METTL15: variants seen among roughly 807,000 people sequenced by gnomAD.
The protein encoded by METTL15 is methyltransferase 15, mitochondrial 12S rRNA N4-cytidine.
In METTL15, 34 loss-of-function variants were observed where a neutral mutation model predicts 38.3. The ratio of observed to expected loss-of-function variants is 0.89; its 90% confidence interval spans 0.68 to 1.18. METTL15 has a LOEUF of 1.18. Ranked by LOEUF, METTL15 falls within the 50% of genes most tolerant of loss-of-function variation. The pLI, the probability that METTL15 is intolerant of heterozygous loss-of-function variation, is 0.00. For synonymous variants in METTL15, 162 were observed against 170.9 expected (o/e 0.95, Z 0.41); for missense variants, 438 against 498.4 (o/e 0.88, Z 1.15).
intron 4 of METTL15, among the ~76,000 whole-genome samples, chr11:28,284,632 G>A (rs568893331): frequency 6.6e-6 from 1 of 152,228 alleles, no homozygotes; most frequent in East Asian, 1.9e-4. Context: ...ACATGAAAAA[G>A]ACTAAAGGGA....
chr11:28,523,025 G>A (rs1004394316), intron 6 of METTL15, among the ~76,000 whole-genome samples: 6 of 152,082 alleles, frequency 3.9e-5, no homozygotes, highest in African/African-American at 9.7e-5. Flanking sequence ...CAATGGATGC[G>A]GTTCTTGCCT....
intron 6 of METTL15, among the ~76,000 whole-genome samples, chr11:28,427,311 G>A (rs1850874404): frequency 1.3e-5 from 2 of 152,154 alleles, no homozygotes; most frequent in South Asian, 4.1e-4. Flanking sequence ...TCTTGAACCA[G>A]TACCATACTG....
At chr11:28,452,782 A>C (rs1851134164) in intron 6 of METTL15, among the ~76,000 whole-genome samples, 1 of 152,158 alleles carries the variant, frequency 6.6e-6, no homozygotes, top group Admixed American at 6.5e-5. Context: ...ATTGTTGAGC[A>C]CTTTGAGTAG....
intron 3 of METTL15, among the ~76,000 whole-genome samples, chr11:28,194,133 T>TTTCTTTCTTTCTTTCTTTCC (rs1851805846): frequency 3.6e-5 from 4 of 112,548 alleles, no homozygotes; most frequent in African/African-American, 1.4e-4. Flanking sequence ...TCTTTCTTTC[T>TTTCTTTCTTTCTTTCTTTCC]TTCTTTCTTT....
intron 4 of METTL15, among the ~76,000 whole-genome samples, chr11:28,278,665 C>G (rs190706165): frequency 6.6e-6 from 1 of 152,318 alleles, no homozygotes; most frequent in East Asian, 1.9e-4. Context: ...CCTTACCTCT[C>G]TCTTGTCTTC....
At chr11:28,372,026 T>G (rs1850248755) in intron 5 of METTL15, among the ~76,000 whole-genome samples, 1 of 152,082 alleles carries the variant, frequency 6.6e-6, no homozygotes, top group South Asian at 2.1e-4. Context: ...AGTATTATGT[T>G]GAATAAAAAT....
chr11:28,503,508 C>T (rs578025115), intron 6 of METTL15, among the ~76,000 whole-genome samples: 112 of 152,220 alleles, frequency 7.4e-4, no homozygotes, highest in Non-Finnish European at 1.5e-3. Flanking sequence ...AGATTCAGAC[C>T]CAGGCTGGGT....
At chr11:28,303,400 T>C (rs1856976735) in intron 6 of METTL15, among the ~76,000 whole-genome samples, 1 of 152,178 alleles carries the variant, frequency 6.6e-6, no homozygotes, top group African/African-American at 2.4e-5. Context: ...TCAGAGCTCA[T>C]GTTAAAAATC....
intron 3 of METTL15, among the ~76,000 whole-genome samples, chr11:28,161,107 C>CTTTTTTTTTTTTTTT (rs10660185): frequency 9.9e-5 from 13 of 131,908 alleles, no homozygotes; most frequent in Admixed American, 1.8e-4. Context: ...TTGCACCTTC[C>CTTTTTTTTTTTTTTT]TTTTTTTTTT....
At chr11:28,259,098 G>A (rs371141983) in intron 4 of METTL15, among the ~76,000 whole-genome samples, 4 of 152,088 alleles carry the variant, frequency 2.6e-5, no homozygotes, top group African/African-American at 9.6e-5. Flanking sequence ...CAGGTATGAT[G>A]AGTCCTGCCA....
rs1239366805 is a variant in METTL15 at position 28,115,289 on chromosome 11, G to A, written c.270+1685G>A. ...CTTTTTTTTTTTGAGATGGAGTTTT[G>A]CTCTTGTTGCCCAGGCTGGAGTGCA... On this transcript the variant is annotated intron_variant, in intron 3 of 6. Coordinates refer to ENST00000407364, the MANE Select transcript of METTL15 (RefSeq NM_001113528.2). 5.0e-5 allele frequency among the ~76,000 whole-genome samples: 7 copies of A among 140,908 alleles called. No individual in the cohort carries two copies. The South Asian group carries it at 1.6e-3, about 32-fold the overall frequency. 92.4% of individuals were successfully genotyped at this position (140,908 alleles called of 152,430 possible). A position where few individuals can be genotyped will look rare whatever the true frequency, so the allele number is the denominator to read the frequency against.
At chr11:28,460,344 C>G (rs1013537157) in intron 6 of METTL15, among the ~76,000 whole-genome samples, 12 of 152,160 alleles carry the variant, frequency 7.9e-5, no homozygotes, top group African/African-American at 2.2e-4. Context: ...TAACTTTCCT[C>G]CATTGTTACA....
chr11:28,456,958 C>T (rs1002872200), intron 6 of METTL15, among the ~76,000 whole-genome samples: 3 of 152,182 alleles, frequency 2.0e-5, no homozygotes, highest in Admixed American at 6.5e-5. Context: ...GGAACAGAGA[C>T]AAACCATCAT....
At chr11:28,198,972 CTT>C (rs944412449) in intron 3 of METTL15, among the ~76,000 whole-genome samples, 3 of 130,954 alleles carry the variant, frequency 2.3e-5, no homozygotes, top group African/African-American at 7.9e-5. Context: ...ATTATGAACT[CTT>C]TTTAGTGATT....
chr11:28,498,447 C>T (rs867391083), intron 6 of METTL15, among the ~76,000 whole-genome samples: 4 of 152,146 alleles, frequency 2.6e-5, no homozygotes, highest in African/African-American at 9.7e-5. Context: ...CGTGAGCCAC[C>T]GTGCCTGGCC....
chr11:28,416,167 G>C lies in METTL15; in HGVS notation c.*359-8132G>C, dbSNP rs75357779. Among the ~76,000 whole-genome samples the C allele has an allele frequency of 5.9e-3, 899 of 152,292 alleles. 9 individuals carry two copies. The highest frequency in any genetic ancestry group is 0.02 in the African/African-American group (811 of 41,560). ...GCCTCAGCTCCCAACCCATGTTCCC[G>C]GCCCTTCTCTGCCCATCTCTGGCTT... is the stretch of plus-strand genomic sequence containing the variant. On this transcript the variant is annotated intron_variant and NMD_transcript_variant, in intron 5 of 7. Transcript: ENST00000532947.
At chr11:28,531,235 C>T (rs886613604), downstream of METTL15, among the ~76,000 whole-genome samples, 2 of 152,026 alleles carry the variant, frequency 1.3e-5, no homozygotes, top group East Asian at 1.9e-4. Flanking sequence ...CACCATCCAT[C>T]CCAGCTCCCA....
chr11:28,508,671 G>T (rs891592242), intron 6 of METTL15, among the ~76,000 whole-genome samples: 2 of 152,162 alleles, frequency 1.3e-5, no homozygotes, highest in Admixed American at 6.5e-5. Flanking sequence ...CAACTAATAG[G>T]CTCTCTCTTA....
chr11:28,376,693 C>T (rs567862323), intron 5 of METTL15, among the ~76,000 whole-genome samples: 1 of 150,870 alleles, frequency 6.6e-6, no homozygotes, highest in Admixed American at 6.6e-5. Context: ...TGAATTTGAT[C>T]CTGTCATTAT....
Sources: gnomAD v4.1 joint callset for allele counts (sites outside exome capture counted in the v4.1 genomes callset) on GRCh38, gnomAD v4.1.1 for gene constraint, MANE v1.5 for transcripts, NCBI Gene and HGNC (gene_info 2026-07-23, HGNC 2026-07-21) for gene names.